RSPH14: variants seen among roughly 807,000 people sequenced by gnomAD.
RSPH14 encodes rhabdoid tumor deletion region gene 1.
A neutral mutation model predicts 26.7 loss-of-function variants in RSPH14; 20 were observed. That is an observed-to-expected ratio of 0.75 (90% confidence interval 0.53 to 1.09). The LOEUF (loss-of-function observed/expected upper bound fraction) is 1.09, where lower values mean the gene tolerates loss of function less well. Ranked by LOEUF, RSPH14 falls within the 50% of genes least tolerant of loss-of-function variation. RSPH14 has a pLI of 0.00. For missense variants in RSPH14, 449 were observed against 457.2 expected (o/e 0.98, Z 0.16); for synonymous variants, 177 against 189.3 (o/e 0.93, Z 0.53).
chr22:23,064,202 C>T, intron 4 of RSPH14, 69 bp from the exon 5 acceptor site: 1 of 1,467,970 alleles, frequency 6.8e-7, no homozygotes, highest in Non-Finnish European at 9.5e-7. Context: ...AGTTGGCCTG[C>T]AGGGCTCAAG....
intron 4 of RSPH14, among the ~76,000 whole-genome samples, chr22:23,073,787 C>T (rs1311966480): frequency 6.6e-6 from 1 of 152,220 alleles, no homozygotes; most frequent in Non-Finnish European, 1.5e-5. Flanking sequence ...GCATGCCAGG[C>T]ACTGTGCCAG....
At chr22:23,123,649 A>G (rs932364639) in intron 4 of RSPH14, 13 of 566,076 alleles carry the variant, frequency 2.3e-5, no homozygotes, top group South Asian at 1.6e-4. Context: ...ACACACACAC[A>G]TCTGGAGATG....
chr22:23,177,519 G>A, the RSPH14 span, among the ~76,000 whole-genome samples: 1 of 152,076 alleles, frequency 6.6e-6, no homozygotes, highest in Non-Finnish European at 1.5e-5. Context: ...CACTGAGTGG[G>A]GGATTACAGA....
intron 4 of RSPH14, 62 bp downstream of exon 4, chr22:23,133,964 G>C (rs1479218515): frequency 1.7e-6 from 2 of 1,154,496 alleles, no homozygotes; most frequent in South Asian, 2.5e-5. Context: ...TATGTGACCT[G>C]GAGAGGAGAC....
At chr22:23,090,116 C>G (rs956814538) in intron 4 of RSPH14, among the ~76,000 whole-genome samples, 1 of 152,134 alleles carries the variant, frequency 6.6e-6, no homozygotes. Context: ...TTCACTGATA[C>G]AGTCCACTCA....
In RSPH14 at chr22:23,139,179, C is replaced by T. The variant is rs2070543455; in HGVS notation, c.200-237G>A. Among the ~76,000 whole-genome samples the T allele has an allele frequency of 2.0e-5, 3 of 152,228 alleles. No individual in the cohort carries two copies. The South Asian group carries it at 6.2e-4, about 31-fold the overall frequency. ...CCTGCACACTTCCTACCAGTGACTT[C>T]TCACAAAGTCTGTCATGAGGTTAAG... is the stretch of plus-strand genomic sequence containing the variant. On this transcript the variant is annotated intron_variant, in intron 2 of 6. Coordinates refer to ENST00000216036, the MANE Select transcript of RSPH14 (RefSeq NM_014433.3).
At chr22:23,130,142 AG>A (rs2070310999) in intron 4 of RSPH14, among the ~76,000 whole-genome samples, 1 of 119,226 alleles carries the variant, frequency 8.4e-6, no homozygotes, top group African/African-American at 3.1e-5. Flanking sequence ...AAAGAAAGAA[AG>A]AAAGAAAGAA....
the RSPH14 span, chr22:23,161,539 G>C: frequency 5.0e-6 from 8 of 1,612,422 alleles, no homozygotes; most frequent in African/African-American, 8.0e-5. Flanking sequence ...GAGAGCAAGA[G>C]GCCCTCCAGC....
the RSPH14 span, among the ~76,000 whole-genome samples, chr22:23,174,873 CAGG>C: frequency 6.6e-6 from 1 of 150,960 alleles, no homozygotes; most frequent in Non-Finnish European, 1.5e-5. Flanking sequence ...GAGGCTGAGG[CAGG>C]AGAATTGCTT....
chr22:23,125,945 A>G (rs2070172264), intron 4 of RSPH14, among the ~76,000 whole-genome samples: 1 of 152,104 alleles, frequency 6.6e-6, no homozygotes, highest in South Asian at 2.1e-4. Context: ...ACATGCACAC[A>G]CGCGCAGATA....
chr22:23,165,998 T>C, the RSPH14 span, among the ~76,000 whole-genome samples: 2 of 151,688 alleles, frequency 1.3e-5, no homozygotes. Context: ...TACAAAAAAT[T>C]AGCCAGGCAT....
chr22:23,146,855 G>A (rs5751591), upstream of RSPH14, among the ~76,000 whole-genome samples: 93,541 of 151,978 alleles, frequency 0.62, 29,331 homozygotes, highest in East Asian at 0.96. Flanking sequence ...AGGTGGGACC[G>A]CAAGTTAATG....
chr22:23,102,574 C>T (rs897582169), intron 4 of RSPH14, among the ~76,000 whole-genome samples: 2 of 152,186 alleles, frequency 1.3e-5, no homozygotes, highest in African/African-American at 4.8e-5. Flanking sequence ...GGCGGCAGGG[C>T]CCTGGGCTCA....
the RSPH14 span, among the ~76,000 whole-genome samples, chr22:23,166,379 T>C: frequency 6.7e-6 from 1 of 150,162 alleles, no homozygotes; most frequent in East Asian, 2.0e-4. Context: ...GGGTGCAATA[T>C]AGGGAACTAA....
At chr22:23,123,443 C>T (rs530527005) in intron 4 of RSPH14, 105 of 1,565,188 alleles carry the variant, frequency 6.7e-5, no homozygotes, top group South Asian at 1.1e-4. Context: ...GAGCTGGGCC[C>T]GGGGCCCGCC....
At chr22:23,098,835 G>A (rs1031824216) in intron 4 of RSPH14, among the ~76,000 whole-genome samples, 3 of 152,238 alleles carry the variant, frequency 2.0e-5, no homozygotes, top group African/African-American at 7.2e-5. Context: ...AGTGGTGCCG[G>A]CAGTGAGGAC....
At position 23,094,577 on chromosome 22, in the gene RSPH14, C is replaced by G. The variant is rs557166696; in HGVS notation, c.422-30444G>C. Among the ~76,000 whole-genome samples the G allele has an allele frequency of 3.5e-3, 540 of 152,340 alleles. 2 individuals carry two copies. Among genetic ancestry groups the G allele is most frequent in the Middle Eastern group, 0.014 (4 of 294 alleles). On this transcript the variant is annotated intron_variant, in intron 4 of 6. Transcript: ENST00000216036. ...GCTCCTTGGTCTCAGCCCAAGCCCC[C>G]CTCTACCTCCTTCTGCAGGAGTGAG...
intron 4 of RSPH14, among the ~76,000 whole-genome samples, chr22:23,100,759 G>T (rs934444756): frequency 6.6e-6 from 1 of 152,166 alleles, no homozygotes; most frequent in African/African-American, 2.4e-5. Flanking sequence ...GGAAGAGCTG[G>T]AGCTCCAGAG....
the RSPH14 span, among the ~76,000 whole-genome samples, chr22:23,174,304 T>A: frequency 7.3e-6 from 1 of 137,888 alleles, no homozygotes; most frequent in East Asian, 2.3e-4. Context: ...TTCGGGGAGC[T>A]GAGTTAGGAG....
Sources: allele counts gnomAD v4.1 joint callset (sites outside exome capture counted in the v4.1 genomes callset), GRCh38; gene constraint gnomAD v4.1.1; transcripts MANE v1.5; gene names NCBI Gene and HGNC (gene_info 2026-07-23, HGNC 2026-07-21).